PAX3: variants seen among roughly 807,000 people sequenced by gnomAD.
PAX3 encodes paired box 3, also known as paired box protein Pax-3.
In PAX3, 14 loss-of-function variants were observed where a neutral mutation model predicts 51.6. The observed-to-expected ratio is 0.27, with a 90% CI of 0.18 to 0.42. The LOEUF (loss-of-function observed/expected upper bound fraction) is 0.42, where lower values mean the gene tolerates loss of function less well. Among genes scored for constraint, PAX3 ranks in the 10% least tolerant of loss-of-function variants. The pLI is 1.00. For missense variants in PAX3, 540 were observed against 642.8 expected (o/e 0.84, Z 1.73); for synonymous variants, 280 against 253.4 (o/e 1.11, Z -1.00).
At position 222,241,134 on chromosome 2, in the gene PAX3, T is replaced by A. The variant is rs144486194; in HGVS notation, c.587-8851A>T. 1.2e-3 allele frequency among the ~76,000 whole-genome samples: 189 copies of A among 152,184 alleles called. No individual in the cohort carries two copies. In the Middle Eastern group the frequency reaches 0.024, roughly 19 times the overall value. On this transcript the variant is annotated intron_variant, in intron 4 of 8. Transcript: ENST00000392070. ...CTAAAAGCAGTAAGCTAAATTCTAGTTTACTGGGATTGGATTGCAAGGGGC... is the reference window on the plus strand; with the variant it reads ...CTAAAAGCAGTAAGCTAAATTCTAGATTACTGGGATTGGATTGCAAGGGGC...
chr2:222,269,915 CTTAA>C (rs1694190331), intron 4 of PAX3, among the ~76,000 whole-genome samples: 1 of 152,174 alleles, frequency 6.6e-6, no homozygotes, highest in Non-Finnish European at 1.5e-5. Flanking sequence ...TGCTTAAACA[CTTAA>C]TTCTTTTAGT....
chr2:222,225,055 C>G (rs1692334256), intron 5 of PAX3, among the ~76,000 whole-genome samples: 1 of 152,126 alleles, frequency 6.6e-6, no homozygotes, highest in South Asian at 2.1e-4. Flanking sequence ...GATTACCTGG[C>G]CTTCCGCATC....
chr2:222,237,016 T>TAA (rs1248702264), intron 4 of PAX3, among the ~76,000 whole-genome samples: 3 of 152,188 alleles, frequency 2.0e-5, no homozygotes, highest in Non-Finnish European at 1.5e-5. Context: ...AATCTATTAT[T>TAA]AAAACCCCTT....
rs1693285340 is a variant in PAX3, at chr2:222,247,840, A to G, written c.587-15557T>C. Reference sequence around the variant, plus strand: ...TTCTATTTACATCTAACCATTATATAATGCTGTTTTGTTTCTGATTTTTAA... The same window carrying G: ...TTCTATTTACATCTAACCATTATATGATGCTGTTTTGTTTCTGATTTTTAA... On this transcript the variant is annotated intron_variant, in intron 4 of 8. Transcript: ENST00000392070. Among the ~76,000 whole-genome samples the G allele has an allele frequency of 2.0e-5, 3 of 152,100 alleles. No homozygotes were observed. The South Asian group carries it at 6.2e-4, about 32-fold the overall frequency.
intron 7 of PAX3, among the ~76,000 whole-genome samples, chr2:222,216,243 G>T (rs1200686870): frequency 6.6e-6 from 1 of 152,148 alleles, no homozygotes; most frequent in Non-Finnish European, 1.5e-5. Context: ...AAGACATAGA[G>T]TTGGCTCTTA....
chr2:222,210,654 C>T (rs752991254), intron 7 of PAX3, among the ~76,000 whole-genome samples: 25 of 152,182 alleles, frequency 1.6e-4, no homozygotes, highest in Non-Finnish European at 3.4e-4. Flanking sequence ...GATCTTAGTA[C>T]ATTATATTTC....
chr2:222,283,870 G>A (rs1186341265), intron 4 of PAX3, among the ~76,000 whole-genome samples: 1 of 152,262 alleles, frequency 6.6e-6, no homozygotes, highest in Non-Finnish European at 1.5e-5. Flanking sequence ...CTTGCAGCCA[G>A]TGGCTGCACT....
intron 4 of PAX3, among the ~76,000 whole-genome samples, chr2:222,288,182 T>A (rs548170169): frequency 6.6e-6 from 1 of 152,218 alleles, no homozygotes; most frequent in African/African-American, 2.4e-5. Context: ...TTTAAAAGAG[T>A]CATAAAATGA....
Position 222,201,319 on chromosome 2 carries a change from A to AT in PAX3, c.*88dup, listed in dbSNP as rs201767194. On this transcript the variant is annotated 3_prime_UTR_variant, in exon 9 of 9. Transcript: ENST00000392070. ...CCCCACCCCCCCCAACAAAAGGGTA[A>AT]TTTTTTTTTGTTTTCAGAGCAGATT... 296 of 1,597,538 alleles carry AT rather than the reference A, an allele frequency of 1.9e-4. 1 individual carries two copies. The African/African-American group carries it at 2.4e-3, about 13-fold the overall frequency.
chr2:222,279,161 C>A (rs1694540213), intron 4 of PAX3, among the ~76,000 whole-genome samples: 2 of 152,306 alleles, frequency 1.3e-5, no homozygotes, highest in Non-Finnish European at 2.9e-5. Context: ...ACCGTGCTGG[C>A]TAGGCTGGTC....
intron 7 of PAX3, among the ~76,000 whole-genome samples, chr2:222,209,696 C>CAAAAAAAAAAAAAAAA (rs546468709): frequency 3.3e-5 from 2 of 61,368 alleles, no homozygotes; most frequent in Non-Finnish European, 3.0e-5. Context: ...TCTGTCTCTA[C>CAAAAAAAAAAAAAAAA]AAAAAAAAAA....
In PAX3 at chr2:222,285,461, G is replaced by A. The variant is rs578122074; in HGVS notation, c.586+8706C>T. Among the ~76,000 whole-genome samples the A allele has an allele frequency of 8.5e-5, 13 of 152,328 alleles. No homozygotes were observed. The South Asian group carries it at 1.2e-3, about 15-fold the overall frequency. ...GTTTGCCACTAAAAGGGTAGGGGGC[G>A]AAGAGGGATATGTTTAAAAGTCATT... On this transcript the variant is annotated intron_variant, in intron 4 of 8. Transcript: ENST00000392070.
At chr2:222,203,492 G>A (rs947007300) in intron 7 of PAX3, among the ~76,000 whole-genome samples, 1 of 152,124 alleles carries the variant, frequency 6.6e-6, no homozygotes, top group South Asian at 2.1e-4. Flanking sequence ...AGAGATTAAA[G>A]TGTGCAAATA....
At chr2:222,280,520 C>T (rs879367171) in intron 4 of PAX3, among the ~76,000 whole-genome samples, 4 of 151,984 alleles carry the variant, frequency 2.6e-5, no homozygotes, top group African/African-American at 9.7e-5. Context: ...AAAGGTATGC[C>T]GGGAAATGAG....
In PAX3 at chr2:222,207,756, C is replaced by T. The variant is rs538409421; in HGVS notation, c.1174-5566G>A. 1.5e-4 allele frequency among the ~76,000 whole-genome samples: 23 copies of T among 152,146 alleles called. No homozygotes were observed. In the South Asian group the frequency reaches 1.9e-3, roughly 12 times the overall value. On this transcript the variant is annotated intron_variant, in intron 7 of 8. Coordinates refer to ENST00000392070, the MANE Select transcript of PAX3 (RefSeq NM_181458.4). ...TTAAGTTTCATAGCAATATTCTTTACGGACTGATGACTAAAATATAAATCT... is the reference window on the plus strand; with the variant it reads ...TTAAGTTTCATAGCAATATTCTTTATGGACTGATGACTAAAATATAAATCT...
intron 4 of PAX3, among the ~76,000 whole-genome samples, chr2:222,233,509 G>C (rs549133837): frequency 6.6e-6 from 1 of 152,104 alleles, no homozygotes; most frequent in African/African-American, 2.4e-5. Flanking sequence ...CATTTTCCCT[G>C]TTTCTGCTAG....
intron 4 of PAX3, among the ~76,000 whole-genome samples, chr2:222,266,951 G>GT (rs1694075518): frequency 6.6e-6 from 1 of 152,226 alleles, no homozygotes; most frequent in African/African-American, 2.4e-5. Flanking sequence ...TGCAATAACT[G>GT]TAAGTCTGCT....
In PAX3 at chr2:222,202,005, A is replaced by G. The variant is rs879468927; in HGVS notation, c.1359T>C (p.Tyr453=). 1.2e-6 allele frequency: 2 copies of G among 1,614,034 alleles called. No individual in the cohort carries two copies. Among genetic ancestry groups the G allele is most frequent in the Non-Finnish European group, 1.7e-6 (2 of 1,179,966 alleles). Residue 453 remains tyrosine (Y), a synonymous_variant, in exon 8 of 9, where the codon TAT becomes TAC. Transcript: ENST00000392070. ...PTSQSYCPPT[Y]STTGYSMDPV... The stretch of plus-strand genomic sequence containing the variant: ...GGTCCATACTGTAGCCTGTGGTGCT[A>G]TAGGTGGGTGGACAGTAGGACTGAG...
intron 7 of PAX3, among the ~76,000 whole-genome samples, chr2:222,218,070 G>A (rs1053127565): frequency 1.1e-4 from 16 of 152,266 alleles, no homozygotes; most frequent in Admixed American, 8.5e-4. Flanking sequence ...ATTCCTAGTG[G>A]TGGTTTGAGG....
Sources: allele counts gnomAD v4.1 joint callset (sites outside exome capture counted in the v4.1 genomes callset), GRCh38; gene constraint gnomAD v4.1.1; transcripts MANE v1.5; gene names NCBI Gene and HGNC (gene_info 2026-07-23, HGNC 2026-07-21).